KIAA1549L: variants seen among roughly 807,000 people sequenced by gnomAD.
KIAA1549L encodes the protein KIAA1549 like, also known as UPF0606 protein KIAA1549L.
In KIAA1549L, 88 loss-of-function variants were observed where a neutral mutation model predicts 160.7. That is an observed-to-expected ratio of 0.55 (90% CI 0.46 to 0.65). KIAA1549L has a LOEUF of 0.65. Ranked by LOEUF, KIAA1549L falls within the 30% of genes least tolerant of loss-of-function variation. KIAA1549L has a pLI of 0.00. For missense variants in KIAA1549L, 2,258 were observed against 2,437.5 expected (o/e 0.93, Z 1.55); for synonymous variants, 950 against 976.7 (o/e 0.97, Z 0.51).
intron 17 of KIAA1549L, among the ~76,000 whole-genome samples, chr11:33,654,873 T>A (rs1198118167): frequency 6.6e-6 from 1 of 152,216 alleles, no homozygotes; most frequent in African/African-American, 2.4e-5. Context: ...TTGGCCCTTA[T>A]GAAGATGTAG....
rs144722423 is a variant in KIAA1549L, at chr11:33,526,243, A to G, written c.239-15559A>G. Among the ~76,000 whole-genome samples, 187 of 152,338 alleles carry G rather than the reference A, an allele frequency of 1.2e-3. 2 individuals carry two copies. The highest frequency in any genetic ancestry group is 4.4e-3 in the African/African-American group (181 of 41,566). ...TCAAGCCATTACAGCAACTCATAAC[A>G]GAACAACCCTGCTCCAAAGAAGGAG... is the stretch of plus-strand genomic sequence containing the variant. On this transcript the variant is annotated intron_variant, in intron 1 of 20. Transcript: ENST00000658780.
rs111489116 is a variant in KIAA1549L, at chr11:33,478,305, C to G, written c.239-63497C>G. ...GTTTTGTTCTAGCCTGACAAGCATGCCTGGCTTTGCAAGCCCCCCAGACGG... is the reference window on the plus strand; with the variant it reads ...GTTTTGTTCTAGCCTGACAAGCATGGCTGGCTTTGCAAGCCCCCCAGACGG... On this transcript the variant is annotated intron_variant, in intron 1 of 20. Transcript: ENST00000658780. Among the ~76,000 whole-genome samples, 2 of 152,340 alleles carry G rather than the reference C, an allele frequency of 1.3e-5. 1 individual carries two copies. The highest frequency in any genetic ancestry group is 4.8e-5 in the African/African-American group (2 of 41,586).
At chr11:33,558,350 G>C (rs574325525) in intron 6 of KIAA1549L, among the ~76,000 whole-genome samples, 1 of 152,130 alleles carries the variant, frequency 6.6e-6, no homozygotes, top group Non-Finnish European at 1.5e-5. Context: ...TGCGGGGTTC[G>C]AGGTTCAGCT....
intron 1 of KIAA1549L, among the ~76,000 whole-genome samples, chr11:33,402,940 T>A (rs904442866): frequency 7.2e-5 from 11 of 152,084 alleles, no homozygotes; most frequent in Admixed American, 6.6e-4. Flanking sequence ...TTTCTTGGAG[T>A]ACCTCTAATT....
At chr11:33,454,856 G>A (rs1366758617) in intron 1 of KIAA1549L, among the ~76,000 whole-genome samples, 3 of 152,158 alleles carry the variant, frequency 2.0e-5, no homozygotes, top group Non-Finnish European at 2.9e-5. Flanking sequence ...TTGGGAGGCC[G>A]AGGCGGGTGG....
intron 16 of KIAA1549L, among the ~76,000 whole-genome samples, chr11:33,622,791 T>C (rs912265600): frequency 3.3e-5 from 5 of 152,170 alleles, no homozygotes; most frequent in African/African-American, 9.7e-5. Flanking sequence ...CAGGAAGCAG[T>C]TGGGGCAACT....
intron 11 of KIAA1549L, among the ~76,000 whole-genome samples, chr11:33,589,992 A>G (rs1053777190): frequency 6.6e-6 from 1 of 151,942 alleles, no homozygotes; most frequent in Non-Finnish European, 1.5e-5. Flanking sequence ...TCATCTGCAG[A>G]TTTTCTTGAA....
chr11:33,545,018 A>G lies in KIAA1549L; in HGVS notation c.3025A>G (p.Thr1009Ala). Residue 1009 changes from threonine (T) to alanine (A), a missense_variant, in exon 3 of 21, where the codon ACC becomes GCC. By Grantham distance (58) the Thr-to-Ala change is moderately conservative (BLOSUM62 0). Around this residue, in one of 6 missense-constraint regions of KIAA1549L, gnomAD observed 1,359 missense variants for 1,546.6 expected, o/e 0.88. Coordinates refer to ENST00000658780, the MANE Select transcript of KIAA1549L (RefSeq NM_012194.3). ...AVHTAFPFTP[T>A]YMYARTGHTT... is the part of the protein sequence containing the mutation. ...CCATACAGCCTTCCCATTCACACCA[A>G]CCTACATGTATGCAAGAACAGGACA... 2 of 1,613,926 alleles carry G rather than the reference A, an allele frequency of 1.2e-6. No homozygotes were observed. The highest frequency in any genetic ancestry group is 8.5e-7 in the Non-Finnish European group (1 of 1,179,866).
chr11:33,516,207 A>T (rs1471007355), intron 1 of KIAA1549L, among the ~76,000 whole-genome samples: 2 of 12,938 alleles, frequency 1.5e-4, no homozygotes, highest in Admixed American at 8.5e-4. Context: ...GCTGGAGTGC[A>T]GTGGCGCAAT....
Position 33,606,027 on chromosome 11 carries a change from A to G in KIAA1549L, c.4880-614A>G, listed in dbSNP as rs544477462. Among the ~76,000 whole-genome samples, 3 of 152,332 alleles carry G rather than the reference A, an allele frequency of 2.0e-5. No homozygotes were observed. In the East Asian group the frequency reaches 5.8e-4, roughly 29 times the overall value. ...CTACTTAATTAGGGGAGTTGTCTGT[A>G]GCTTCAAATTAGTTTCTCTGGCGGA... On this transcript the variant is annotated intron_variant, in intron 13 of 20. Transcript: ENST00000658780.
intron 16 of KIAA1549L, among the ~76,000 whole-genome samples, chr11:33,629,484 T>G (rs1215396244): frequency 2.6e-5 from 4 of 151,972 alleles, no homozygotes; most frequent in African/African-American, 9.7e-5. Context: ...GCTTTGCTCG[T>G]TTCTTTTTAT....
chr11:33,602,450 A>G (rs1486003667), intron 13 of KIAA1549L, among the ~76,000 whole-genome samples: 3 of 152,258 alleles, frequency 2.0e-5, no homozygotes, highest in Non-Finnish European at 4.4e-5. Flanking sequence ...TCTGAGCTTT[A>G]ATGAAATTTT....
intron 8 of KIAA1549L, among the ~76,000 whole-genome samples, chr11:33,564,598 A>G (rs1441437386): frequency 1.3e-5 from 2 of 152,208 alleles, no homozygotes; most frequent in Non-Finnish European, 2.9e-5. Context: ...TGCAGATTCA[A>G]TATTGCTGCC....
chr11:33,575,611 C>T (rs922499967), intron 10 of KIAA1549L, among the ~76,000 whole-genome samples: 11 of 152,084 alleles, frequency 7.2e-5, no homozygotes, highest in African/African-American at 1.4e-4. Flanking sequence ...TTAGGTGGCC[C>T]GGATATTAAT....
In KIAA1549L at chr11:33,542,338, A is replaced by G; in HGVS notation, c.775A>G (p.Ile259Val). 2 of 753,868 alleles carry G rather than the reference A, an allele frequency of 2.7e-6. No individual in the cohort carries two copies. The highest frequency in any genetic ancestry group is 4.4e-6 in the Non-Finnish European group (2 of 458,318). 46.7% of individuals were successfully genotyped at this position (753,868 alleles called of 1,614,324 possible). ...ATTGGCTCCTGACTCACCTCATTCC[A>G]TCATCTCTGAGCCAGCAGAGCAATC... ...SSLAPDSPHS[I>V]ISEPAEQSPK... The change falls in exon 2 of 21, where the codon ATC becomes GTC. Residue 259 changes from isoleucine to valine, a missense_variant. By Grantham distance (29) the Ile-to-Val change is conservative (BLOSUM62 3). Transcript: ENST00000658780.
chr11:33,634,183 C>T (rs988340879), intron 16 of KIAA1549L, among the ~76,000 whole-genome samples: 1 of 152,136 alleles, frequency 6.6e-6, no homozygotes, highest in African/African-American at 2.4e-5. Context: ...GCTGGGATTA[C>T]AAGCATGCAC....
chr11:33,377,071 A>T (rs1428933602), intron 1 of KIAA1549L, among the ~76,000 whole-genome samples, 182 bp downstream of exon 1: 7 of 152,178 alleles, frequency 4.6e-5, no homozygotes, highest in Admixed American at 3.9e-4. Context: ...GGGGAAGAAA[A>T]AAAAAGGAGC....
At position 33,476,169 on chromosome 11, in the gene KIAA1549L, A is replaced by G. The variant is rs561346037; in HGVS notation, c.239-65633A>G. 3.9e-5 allele frequency among the ~76,000 whole-genome samples: 6 copies of G among 152,350 alleles called. No homozygotes were observed. The South Asian group carries it at 1.2e-3, about 32-fold the overall frequency. On this transcript the variant is annotated intron_variant, in intron 1 of 20. Transcript: ENST00000658780. ...AACTGCCAAGGCAGCTTTGAAGGGAACAAGAATCTGCAGTTTTGTTGAAAG... is the reference window on the plus strand; with the variant it reads ...AACTGCCAAGGCAGCTTTGAAGGGAGCAAGAATCTGCAGTTTTGTTGAAAG...
At chr11:33,544,456 T>C in intron 2 of KIAA1549L, 120 bp downstream of exon 2, 1 of 1,091,810 alleles carries the variant, frequency 9.2e-7, no homozygotes, top group Non-Finnish European at 1.3e-6. Flanking sequence ...AAGGAGCTCA[T>C]ACCCCCGATC....
Sources: gnomAD v4.1 joint callset for allele counts (sites outside exome capture counted in the v4.1 genomes callset) on GRCh38, gnomAD v4.1.1 for gene constraint, gnomAD v4.1.1 regional missense constraint, MANE v1.5 for transcripts, NCBI Gene and HGNC (gene_info 2026-07-23, HGNC 2026-07-21) for gene names.